PKHD1L1: variants seen among roughly 807,000 people sequenced by gnomAD.
PKHD1L1 encodes fibrocystin-L.
A neutral mutation model predicts 462.9 loss-of-function variants in PKHD1L1; 434 were observed. The observed-to-expected ratio is 0.94, with a 90% CI of 0.87 to 1.02. The LOEUF is 1.02. Ranked by LOEUF, PKHD1L1 falls within the 50% of genes least tolerant of loss-of-function variation. PKHD1L1 has a pLI of 0.00. For synonymous variants in PKHD1L1, 1,781 were observed against 1,750.0 expected, an observed-to-expected ratio of 1.02 and a Z score of -0.44; for missense variants, 5,202 against 5,096.1, an observed-to-expected ratio of 1.02 and a Z score of -0.63.
Position 109,436,447 on chromosome 8 carries a change from C to A in PKHD1L1, c.3615C>A (p.Cys1205Ter), listed in dbSNP as rs2130718271. ...VIEGDLNRITCRTPKKTEGTV... is the reference protein window; with the variant it reads ...VIEGDLNRIT ...AAGGGGATTTGAATAGGATAACCTG[C>A]AGGACACCAAAAGTAAGGCCTCTGA... is the stretch of plus-strand genomic sequence containing the variant. The change falls in exon 30 of 78, where the codon TGC becomes TGA. Residue 1205 changes from cysteine to a stop codon, truncating the protein, a stop_gained. Transcript: ENST00000378402. LOFTEE classifies it high-confidence loss of function. 3 of 1,612,156 alleles carry A rather than the reference C, an allele frequency of 1.9e-6. No individual in the cohort carries two copies. Among genetic ancestry groups the A allele is most frequent in the Middle Eastern group, 1.7e-4 (1 of 6,052 alleles).
chr8:109,507,626 G>C, intron 68 of PKHD1L1, 37 bp from the exon 69 acceptor site: 2 of 1,546,138 alleles, frequency 1.3e-6, no homozygotes, highest in Non-Finnish European at 1.8e-6. Context: ...TTGCTCTCTA[G>C]AAACAATGAA....
At chr8:109,436,630 A>G (rs1355083315) in intron 30 of PKHD1L1, among the ~76,000 whole-genome samples, 171 bp downstream of exon 30, 1 of 152,212 alleles carries the variant, frequency 6.6e-6, no homozygotes, top group Admixed American at 6.5e-5. Context: ...ACTAAGATTC[A>G]AAGACAAAAT....
At chr8:109,443,631 T>C in intron 36 of PKHD1L1, 45 bp from the exon 37 acceptor site, 1 of 1,400,470 alleles carries the variant, frequency 7.1e-7, no homozygotes, top group South Asian at 1.3e-5. Context: ...AGTTATCATT[T>C]TGGAATGTTA....
chr8:109,385,476 A>G, intron 5 of PKHD1L1, 61 bp from the exon 6 acceptor site: 2 of 1,078,516 alleles, frequency 1.9e-6, no homozygotes, highest in South Asian at 1.5e-5. Context: ...ATGTTTTCGT[A>G]TTAAGTGTAT....
chr8:109,461,942 G>C, intron 48 of PKHD1L1, 34 bp downstream of exon 48: 2 of 1,569,470 alleles, frequency 1.3e-6, no homozygotes, highest in South Asian at 2.4e-5. Flanking sequence ...ACAGTGGTTT[G>C]CTCAAGGTTA....
chr8:109,529,296 T>G (rs1820963662), intron 77 of PKHD1L1, among the ~76,000 whole-genome samples: 1 of 152,216 alleles, frequency 6.6e-6, no homozygotes, highest in African/African-American at 2.4e-5. Context: ...GACCTTGTTC[T>G]GGCCTCTTAT....
chr8:109,427,059 G>C lies in PKHD1L1; in HGVS notation c.2903G>C (p.Gly968Ala). ...DLQFALQSLE[G>A]MGRISVTREG... ...CAGTTTGCACTCCAGAGTCTGGAGG[G>C]AATGGGAAGAATCTCAGTTACACGA... Residue 968 changes from glycine to alanine, a missense_variant, in exon 25 of 78, where the codon GGA becomes GCA. Transcript: ENST00000378402. 6.2e-7 allele frequency: 1 copy of C among 1,613,918 alleles called. No individual in the cohort carries two copies. The highest frequency in any genetic ancestry group is 8.5e-7 in the Non-Finnish European group (1 of 1,179,842).
intron 47 of PKHD1L1, among the ~76,000 whole-genome samples, chr8:109,460,046 A>C (rs1393227799): frequency 6.6e-6 from 1 of 152,018 alleles, no homozygotes; most frequent in African/African-American, 2.4e-5. Context: ...TTTGTGAGTA[A>C]CATGAAGATA....
chr8:109,534,176 T>C lies in PKHD1L1; in HGVS notation c.*4086T>C, dbSNP rs1821101551. 6.6e-6 allele frequency among the ~76,000 whole-genome samples: 1 copy of C among 152,194 alleles called. No individual in the cohort carries two copies. Among genetic ancestry groups the C allele is most frequent in the South Asian group, 2.1e-4 (1 of 4,834 alleles). On this transcript the variant is annotated 3_prime_UTR_variant, in exon 78 of 78. Coordinates refer to ENST00000378402, the MANE Select transcript of PKHD1L1 (RefSeq NM_177531.6). The stretch of plus-strand genomic sequence containing the variant: ...CCGAATGGAAATGCTTCAACTTTAA[T>C]CTGAGGCTAGGCGCAGTGGCTCACG...
intron 1 of PKHD1L1, among the ~76,000 whole-genome samples, chr8:109,363,559 A>C (rs1490824405): frequency 2.6e-5 from 4 of 152,048 alleles, no homozygotes; most frequent in African/African-American, 9.7e-5. Context: ...AAATTTTTCT[A>C]CCTACTGTGA....
intron 50 of PKHD1L1, among the ~76,000 whole-genome samples, chr8:109,472,355 T>G (rs971143247): frequency 5.3e-5 from 8 of 152,172 alleles, no homozygotes; most frequent in Non-Finnish European, 1.0e-4. Context: ...GTGGTTATTT[T>G]TAGTGGTGGT....
At chr8:109,470,610 T>C (rs980883848) in intron 50 of PKHD1L1, 2 of 1,578,172 alleles carry the variant, frequency 1.3e-6, no homozygotes, top group Non-Finnish European at 1.7e-6. Context: ...ATAAATTAAA[T>C]GACTTGAATA....
In PKHD1L1 at chr8:109,517,448, C is replaced by T. The variant is rs138543975; in HGVS notation, c.11690-719C>T. On this transcript the variant is annotated intron_variant, in intron 72 of 77. Coordinates refer to ENST00000378402, the MANE Select transcript of PKHD1L1 (RefSeq NM_177531.6). Reference sequence around the variant, plus strand: ...CTCATTCCACCACTATTACACAATTCAGTGTTTGTCTGGGCTCAATAAGTG... The same window carrying T: ...CTCATTCCACCACTATTACACAATTTAGTGTTTGTCTGGGCTCAATAAGTG... Among the ~76,000 whole-genome samples the T allele has an allele frequency of 1.2e-4, 18 of 152,192 alleles. 1 individual carries two copies. The East Asian group carries it at 3.5e-3, about 29-fold the overall frequency.
chr8:109,500,110 T>A (rs1397944627), intron 67 of PKHD1L1, among the ~76,000 whole-genome samples: 1 of 152,210 alleles, frequency 6.6e-6, no homozygotes, highest in Non-Finnish European at 1.5e-5. Flanking sequence ...ACTTTAGTCC[T>A]CTCTTGGGAC....
At chr8:109,431,575 C>A (rs771641400) in intron 27 of PKHD1L1, among the ~76,000 whole-genome samples, 1 of 152,088 alleles carries the variant, frequency 6.6e-6, no homozygotes, top group Non-Finnish European at 1.5e-5. Context: ...TGTAAGCTTA[C>A]AAATGAAATA....
intron 12 of PKHD1L1, among the ~76,000 whole-genome samples, chr8:109,399,072 G>A (rs1171302410): frequency 3.9e-5 from 6 of 152,060 alleles, no homozygotes; most frequent in African/African-American, 1.4e-4. Flanking sequence ...ATGTGTCTGC[G>A]TGTGGTGTGT....
intron 2 of PKHD1L1, among the ~76,000 whole-genome samples, chr8:109,374,696 G>A (rs368229390): frequency 6.6e-6 from 1 of 152,208 alleles, no homozygotes; most frequent in South Asian, 2.1e-4. Flanking sequence ...GGCAGGCCTG[G>A]TGGTGACAAA....
At chr8:109,405,568 T>A (rs1813492270) in intron 16 of PKHD1L1, among the ~76,000 whole-genome samples, 1 of 151,800 alleles carries the variant, frequency 6.6e-6, no homozygotes. Flanking sequence ...AGCCACTTCC[T>A]CAACAAACTA....
chr8:109,481,576 G>A lies in PKHD1L1; in HGVS notation c.9457+14G>A. The A allele has an allele frequency of 6.5e-7, 1 of 1,545,106 alleles. No homozygotes were observed. Among genetic ancestry groups the A allele is most frequent in the Non-Finnish European group, 8.7e-7 (1 of 1,150,122 alleles). ...CAAAGGTCTTAGGTGTGTGTCTACA[G>A]ATACCAAAAGTGTCACATCTGTTTT... On this transcript the variant is annotated intron_variant, in intron 56 of 77. Transcript: ENST00000378402.
Sources: allele counts gnomAD v4.1 joint callset (sites outside exome capture counted in the v4.1 genomes callset), GRCh38; gene constraint gnomAD v4.1.1; transcripts MANE v1.5; gene names NCBI Gene and HGNC (gene_info 2026-07-23, HGNC 2026-07-21).